Variants in PTPN23 observed in about 807,000 individuals in gnomAD.
The protein encoded by PTPN23 is protein tyrosine phosphatase non-receptor type 23.
In PTPN23, 72 loss-of-function variants were observed where a neutral mutation model predicts 156.3. The observed-to-expected ratio is 0.46, with a 90% CI of 0.38 to 0.56. The LOEUF (loss-of-function observed/expected upper bound fraction) is 0.56, where lower values mean the gene tolerates loss of function less well. Ranked by LOEUF, PTPN23 falls within the 20% of genes least tolerant of loss-of-function variation. The probability of loss-of-function intolerance (pLI) is 0.00; values close to 1 mark genes in which losing one functional copy is unlikely to be tolerated. For synonymous variants in PTPN23, 957 were observed against 899.6 expected, an observed-to-expected ratio of 1.06 and a Z score of -1.14; for missense variants, 1,974 against 2,171.5, an observed-to-expected ratio of 0.91 and a Z score of 1.81.
chr3:47,412,135 A>G lies in PTPN23; in HGVS notation c.4115A>G (p.Gln1372Arg). ...DSPSNLLRFIQEVHAHYLHQR... is the reference protein window; with the variant it reads ...DSPSNLLRFIREVHAHYLHQR... ...CCCAGCAACTTGCTGCGCTTCATCC[A>G]GGAGGTGCACGCACATTACCTGCAT... The change falls in exon 22 of 25, where the codon CAG becomes CGG. Residue 1372 changes from glutamine (Q) to arginine (R), a missense_variant. By Grantham distance (43) the Gln-to-Arg change is conservative. Transcript: ENST00000265562. 2 of 1,613,156 alleles carry G rather than the reference A, an allele frequency of 1.2e-6. No homozygotes were observed. The highest frequency in any genetic ancestry group is 8.5e-7 in the Non-Finnish European group (1 of 1,180,024).
chr3:47,404,083 G>A (rs747365672), intron 2 of PTPN23, among the ~76,000 whole-genome samples: 22 of 152,130 alleles, frequency 1.4e-4, no homozygotes, highest in Admixed American at 1.3e-3. Flanking sequence ...TCAAAAAACT[G>A]TGGGCCAAAA....
intron 1 of PTPN23, among the ~76,000 whole-genome samples, chr3:47,384,286 G>C (rs1704609654): frequency 6.6e-6 from 1 of 151,884 alleles, no homozygotes; most frequent in South Asian, 2.1e-4. Context: ...GGCTAACACG[G>C]TGAAACCCCA....
rs777686795 is a variant in PTPN23, at chr3:47,411,482, C to T, written c.3684C>T (p.Pro1228=). 8 of 1,613,082 alleles carry T rather than the reference C, an allele frequency of 5.0e-6. No individual in the cohort carries two copies. The highest frequency in any genetic ancestry group is 1.3e-5 in the African/African-American group (1 of 74,942). The part of the protein sequence containing the change: ...SLKNRHQDVM[P]YDSNRVVLRS... ...AGAACCGGCACCAGGATGTCATGCC[C>T]TATGACAGTAACCGTGTGGTGCTGC... Residue 1228 remains proline (P), a synonymous_variant, in exon 20 of 25, where the codon CCC becomes CCT. Transcript: ENST00000265562. The surrounding 1 kb of genome is among the most constrained non-coding windows in gnomAD (Gnocchi z 6.3).
Position 47,411,355 on chromosome 3 carries a change from G to A in PTPN23, c.3557G>A (p.Gly1186Glu). 6.2e-7 allele frequency: 1 copy of A among 1,612,972 alleles called. No homozygotes were observed. Among genetic ancestry groups the A allele is most frequent in the Non-Finnish European group, 8.5e-7 (1 of 1,180,030 alleles). Residue 1186 changes from glycine to glutamate, a missense_variant, in exon 20 of 25, where the codon GGG becomes GAG. Physicochemically the swap from Gly to Glu is moderately conservative, Grantham distance 98. Coordinates refer to ENST00000265562, the MANE Select transcript of PTPN23 (RefSeq NM_015466.4). This position sits in a 1 kb window ranked among gnomAD's most constrained non-coding sequence, Gnocchi z 6.3. Reference sequence around the variant, plus strand: ...CTGGAGGCCTTTCGGGGTCAGCTGGGGGATGTGGGAGCTCTGGACACTGTC... The same window carrying A: ...CTGGAGGCCTTTCGGGGTCAGCTGGAGGATGTGGGAGCTCTGGACACTGTC... ...QELEAFRGQL[G>E]DVGALDTVWR...
At chr3:47,398,830 G>T (rs1704934555) in intron 2 of PTPN23, among the ~76,000 whole-genome samples, 1 of 152,208 alleles carries the variant, frequency 6.6e-6, no homozygotes, top group Non-Finnish European at 1.5e-5. Flanking sequence ...CTCCCAAAGT[G>T]TTGGGATTAA....
At chr3:47,401,977 G>C (rs1273645040) in intron 2 of PTPN23, among the ~76,000 whole-genome samples, 1 of 152,202 alleles carries the variant, frequency 6.6e-6, no homozygotes, top group Non-Finnish European at 1.5e-5. Context: ...AGCTCCCAGA[G>C]TGGAGTGTCC....
At position 47,411,823 on chromosome 3, in the gene PTPN23, C is replaced by G. The variant is rs758893416; in HGVS notation, c.3929C>G (p.Pro1310Arg). The change falls in exon 21 of 25, where the codon CCC (proline) becomes CGC (arginine). Residue 1310 changes from proline (P) to arginine (R), a missense_variant. Transcript: ENST00000265562. This position sits in a 1 kb window ranked among gnomAD's most constrained non-coding sequence, Gnocchi z 6.3. ...ARYFPTERGQ[P>R]MVHGALSLAL... Reference sequence around the variant, plus strand: ...TACTTCCCCACCGAGAGGGGCCAGCCCATGGTGCACGGTGCCCTGAGCCTG... The same window carrying G: ...TACTTCCCCACCGAGAGGGGCCAGCGCATGGTGCACGGTGCCCTGAGCCTG... 2 of 1,612,652 alleles carry G rather than the reference C, an allele frequency of 1.2e-6. No homozygotes were observed. Among genetic ancestry groups the G allele is most frequent in the South Asian group, 2.2e-5 (2 of 91,030 alleles).
intron 1 of PTPN23, among the ~76,000 whole-genome samples, chr3:47,391,212 G>A (rs1327081888): frequency 1.3e-5 from 2 of 152,152 alleles, no homozygotes; most frequent in African/African-American, 4.8e-5. Flanking sequence ...TGTAACTCCA[G>A]CCTGGGCAAC....
At chr3:47,387,080 G>T (rs1704668920) in intron 1 of PTPN23, among the ~76,000 whole-genome samples, 1 of 152,174 alleles carries the variant, frequency 6.6e-6, no homozygotes, top group Admixed American at 6.5e-5. Flanking sequence ...ACGAGGCCTT[G>T]AGTATTATTG....
rs202092870 is a variant in PTPN23 at position 47,402,118 on chromosome 3, CTGTT to C, written c.160-2528_160-2525del. On this transcript the variant is annotated intron_variant, in intron 2 of 24. Coordinates refer to ENST00000265562, the MANE Select transcript of PTPN23 (RefSeq NM_015466.4). ...CTTGGAGGGTGTATTGTTTGCTTTT[CTGTT>C]TGTTTAAGCAGAGGGTTCATTTTTT... is the stretch of plus-strand genomic sequence containing the variant. Among the ~76,000 whole-genome samples, 416 of 152,278 alleles carry C rather than the reference CTGTT, an allele frequency of 2.7e-3. 3 individuals carry two copies. The highest frequency in any genetic ancestry group is 9.2e-3 in the African/African-American group (381 of 41,532).
chr3:47,404,599 G>T (rs141980061), intron 2 of PTPN23, 53 bp from the exon 3 acceptor site: 16 of 1,598,954 alleles, frequency 1.0e-5, no homozygotes, highest in East Asian at 4.5e-5. Context: ...GCTGGCCTGC[G>T]TGTCCACTGC....
rs36026486 is a variant in PTPN23 at position 47,412,804 on chromosome 3, T to TG, written c.4536dup (p.Leu1513ValfsTer42). ...TTGCCAAGCTCAGCATTCGGCCTCC[T>TG]GGGGGGTTGGAGTCCCCGGTTGCCA... is the stretch of plus-strand genomic sequence containing the variant. On this transcript the variant is annotated frameshift_variant, in exon 25 of 25. Coordinates refer to ENST00000265562, the MANE Select transcript of PTPN23 (RefSeq NM_015466.4). LOFTEE classifies it high-confidence loss of function. The TG allele has an allele frequency of 6.2e-7, 1 of 1,613,508 alleles. No homozygotes were observed. Among genetic ancestry groups the TG allele is most frequent in the Non-Finnish European group, 8.5e-7 (1 of 1,179,954 alleles).
chr3:47,403,055 C>CTTTTTTTTTTTTTTTTTT (rs1007913831), intron 2 of PTPN23, among the ~76,000 whole-genome samples: 1 of 138,478 alleles, frequency 7.2e-6, no homozygotes, highest in Non-Finnish European at 1.6e-5. Context: ...TTGTTACATT[C>CTTTTTTTTTTTTTTTTTT]TTTTTTTTTT....
Position 47,407,166 on chromosome 3 carries a change from G to A in PTPN23, c.844G>A (p.Glu282Lys). 6.2e-7 allele frequency: 1 copy of A among 1,614,054 alleles called. No individual in the cohort carries two copies. Residue 282 changes from glutamate to lysine, a missense_variant, in exon 10 of 25, where the codon GAA (glutamate) becomes AAA (lysine). Physicochemically the swap from Glu to Lys is moderately conservative, Grantham distance 56 (BLOSUM62 1). Around this residue, in one of 4 missense-constraint regions of PTPN23, gnomAD observed 726 missense variants for 929.5 expected, o/e 0.78. Transcript: ENST00000265562. This position sits in a 1 kb window ranked among gnomAD's most constrained non-coding sequence, Gnocchi z 4.0. ...YFQSALDKLN[E>K]AIKLAKGQPD... is the part of the protein sequence containing the mutation. ...CCAGAGCGCCCTGGACAAGCTCAATGAAGCCATCAAGTTGGCCAAGGTAAA... is the reference window on the plus strand; with the variant it reads ...CCAGAGCGCCCTGGACAAGCTCAATAAAGCCATCAAGTTGGCCAAGGTAAA...
At position 47,390,039 on chromosome 3, in the gene PTPN23, C is replaced by T. The variant is rs1450309470; in HGVS notation, c.85-6104C>T. 6.7e-5 allele frequency among the ~76,000 whole-genome samples: 10 copies of T among 149,274 alleles called. No individual in the cohort carries two copies. In the South Asian group the frequency reaches 1.5e-3, roughly 22 times the overall value. ...AGTAAGCCGAGATGGCGCCATTGCA[C>T]TCCAGCCTGGGTAACAGAGCGAGAC... On this transcript the variant is annotated intron_variant, in intron 1 of 24. Coordinates refer to ENST00000265562, the MANE Select transcript of PTPN23 (RefSeq NM_015466.4).
Position 47,410,821 on chromosome 3 carries a change from G to T in PTPN23, c.3023G>T (p.Gly1008Val), listed in dbSNP as rs56349424. Residue 1008 changes from glycine (G) to valine (V), a missense_variant, in exon 20 of 25, where the codon GGG becomes GTG. Gly to Val is a moderately radical substitution (Grantham distance 109). This residue lies in a region of PTPN23 where 731 missense variants were observed against 669.1 expected (regional missense o/e 1.09). Transcript: ENST00000265562. ...YPYAPQPGVL[G>V]QPPPPLHTQL... is the part of the protein sequence containing the mutation. ...TATGCCCCTCAGCCTGGGGTCCTGG[G>T]GCAGCCGCCACCCCCCCTACACACC... The T allele has an allele frequency of 1.1e-3, 1,803 of 1,602,716 alleles. 1 individual carries two copies. Among genetic ancestry groups the T allele is most frequent in the Non-Finnish European group, 1.4e-3 (1,611 of 1,172,210 alleles).
chr3:47,405,965 C>T lies in PTPN23; in HGVS notation c.465C>T (p.Ala155=), dbSNP rs1004271040. 1.9e-6 allele frequency: 3 copies of T among 1,613,854 alleles called. No homozygotes were observed. The highest frequency in any genetic ancestry group is 1.3e-5 in the African/African-American group (1 of 74,942). Residue 155 remains alanine (A), a synonymous_variant, in exon 6 of 25, where the codon GCC becomes GCT. Transcript: ENST00000265562. The surrounding 1 kb of genome is among the most constrained non-coding windows in gnomAD (Gnocchi z 4.7). ...THFQCAAGAF[A]YLREHFPQAY... Reference sequence around the variant, plus strand: ...TCCAGTGCGCAGCCGGCGCCTTCGCCTACCTACGGGAGCACTTCCCTCAAG... The same window carrying T: ...TCCAGTGCGCAGCCGGCGCCTTCGCTTACCTACGGGAGCACTTCCCTCAAG...
chr3:47,391,918 C>T (rs1170851873), intron 1 of PTPN23, among the ~76,000 whole-genome samples: 2 of 152,216 alleles, frequency 1.3e-5, no homozygotes, highest in Non-Finnish European at 2.9e-5. Context: ...GATAGTGTCA[C>T]ACTCTCACCC....
intron 1 of PTPN23, among the ~76,000 whole-genome samples, chr3:47,392,687 A>G (rs1033532323): frequency 6.6e-6 from 1 of 152,160 alleles, no homozygotes; most frequent in African/African-American, 2.4e-5. Flanking sequence ...GGCTTTTATC[A>G]TATTCTCAAA....
Sources: allele counts gnomAD v4.1 joint callset (sites outside exome capture counted in the v4.1 genomes callset), GRCh38; gene constraint gnomAD v4.1.1; regional missense constraint gnomAD v4.1.1; non-coding constraint Gnocchi (gnomAD v3.1); transcripts MANE v1.5; gene names NCBI Gene and HGNC (gene_info 2026-07-23, HGNC 2026-07-21).